TMEM178B: variants seen among roughly 807,000 people sequenced by gnomAD.
The protein encoded by TMEM178B is transmembrane protein 178B.
Under a neutral mutation model 31.0 loss-of-function variants are expected in TMEM178B, and 5 were observed. The ratio of observed to expected loss-of-function variants is 0.16; its 90% CI spans 0.08 to 0.34. The LOEUF (loss-of-function observed/expected upper bound fraction) is 0.34, where lower values mean the gene tolerates loss of function less well. Ranked by LOEUF, TMEM178B falls within the 10% of genes least tolerant of loss-of-function variation. The pLI, the probability that TMEM178B is intolerant of heterozygous loss-of-function variation, is 1.00. For synonymous variants in TMEM178B, 164 were observed against 164.0 expected (o/e 1.00, Z 0.00); for missense variants, 275 against 400.3 (o/e 0.69, Z 2.67).
At chr7:141,189,109 ACAT>A (rs1796656845) in intron 1 of TMEM178B, among the ~76,000 whole-genome samples, 2 of 152,364 alleles carry the variant, frequency 1.3e-5, no homozygotes, top group South Asian at 4.1e-4. Flanking sequence ...TGGTACCTGG[ACAT>A]CATAAGAGGC....
Position 141,344,587 on chromosome 7 carries a change from C to T in TMEM178B, c.497-93021C>T, listed in dbSNP as rs1322004365. Among the ~76,000 whole-genome samples, 2 of 122,880 alleles carry T rather than the reference C, an allele frequency of 1.6e-5. No individual in the cohort carries two copies. The highest frequency in any genetic ancestry group is 3.5e-5 in the Non-Finnish European group (2 of 57,902). The allele number at this position is 122,880 out of a possible 152,430, so 80.6% of individuals were successfully genotyped here. ...TTCCTCCCTCCTCCCTTCCTTCCTT[C>T]CTTCCTTCCTTCCTTCCTTCCTTCC... On this transcript the variant is annotated intron_variant, in intron 2 of 3. Transcript: ENST00000565468. The surrounding 1 kb of genome is among the most constrained non-coding windows in gnomAD (Gnocchi z 4.1).
intron 2 of TMEM178B, among the ~76,000 whole-genome samples, chr7:141,314,152 T>C (rs540794450): frequency 6.6e-6 from 1 of 152,328 alleles, no homozygotes; most frequent in South Asian, 2.1e-4. Context: ...AGGAGATTTC[T>C]TCTCTCATCT....
intron 1 of TMEM178B, among the ~76,000 whole-genome samples, chr7:141,187,631 A>T (rs1329065027): frequency 2.0e-5 from 3 of 152,204 alleles, no homozygotes; most frequent in Non-Finnish European, 2.9e-5. Flanking sequence ...CATGATCGCC[A>T]TTCTAACTGG....
intron 1 of TMEM178B, among the ~76,000 whole-genome samples, chr7:141,199,917 G>T (rs966022033): frequency 5.9e-5 from 9 of 152,198 alleles, no homozygotes; most frequent in African/African-American, 2.2e-4. Flanking sequence ...TGGGCGTAGT[G>T]GCGGGTGCCT....
chr7:141,109,405 T>C (rs10272360), intron 1 of TMEM178B, among the ~76,000 whole-genome samples: 31,416 of 151,834 alleles, frequency 0.21, 3,475 homozygotes, highest in African/African-American at 0.28. Flanking sequence ...GTGGACAGAG[T>C]GTGACACGTG....
chr7:141,432,490 G>A (rs142365656), intron 2 of TMEM178B, among the ~76,000 whole-genome samples: 4 of 152,222 alleles, frequency 2.6e-5, no homozygotes, highest in Non-Finnish European at 5.9e-5. Flanking sequence ...TACTGTGTGC[G>A]TTTTGTTAAG....
chr7:141,483,759 G>A (rs1339228662), downstream of TMEM178B, among the ~76,000 whole-genome samples: 1 of 139,384 alleles, frequency 7.2e-6, no homozygotes, highest in Non-Finnish European at 1.5e-5. Context: ...TTTTTGAGAT[G>A]GAGTCTCACT....
At chr7:141,126,627 A>G (rs913425241) in intron 1 of TMEM178B, among the ~76,000 whole-genome samples, 3 of 152,232 alleles carry the variant, frequency 2.0e-5, no homozygotes, top group Non-Finnish European at 4.4e-5. Flanking sequence ...ATGGGCCATC[A>G]GTGATGCTTT....
chr7:141,088,655 T>C (rs544030456), intron 1 of TMEM178B, among the ~76,000 whole-genome samples: 2 of 152,314 alleles, frequency 1.3e-5, no homozygotes, highest in African/African-American at 4.8e-5. Flanking sequence ...TTTCATCTTT[T>C]TCCTCCAGAC....
At chr7:141,132,105 G>A (rs1186715015) in intron 1 of TMEM178B, among the ~76,000 whole-genome samples, 4 of 152,136 alleles carry the variant, frequency 2.6e-5, no homozygotes, top group Non-Finnish European at 5.9e-5. Flanking sequence ...TTCGTTTTGA[G>A]TGCTGAGGCT....
intron 1 of TMEM178B, among the ~76,000 whole-genome samples, chr7:141,141,612 C>T (rs1405063787): frequency 6.6e-6 from 1 of 152,192 alleles, no homozygotes; most frequent in Non-Finnish European, 1.5e-5. Flanking sequence ...GTTTCACCCA[C>T]AGTGCCTAAT....
chr7:141,186,634 T>C (rs1796613629), intron 1 of TMEM178B, among the ~76,000 whole-genome samples: 1 of 152,250 alleles, frequency 6.6e-6, no homozygotes, highest in Admixed American at 6.5e-5. Flanking sequence ...TGAGAGAGGA[T>C]TTGATCAGCC....
At chr7:141,509,942 A>G in the TMEM178B span, among the ~76,000 whole-genome samples, 3 of 152,200 alleles carry the variant, frequency 2.0e-5, no homozygotes, top group East Asian at 1.9e-4. Flanking sequence ...AAGGCACTCT[A>G]TTATCTAAAG....
chr7:141,488,596 T>G, the TMEM178B span, among the ~76,000 whole-genome samples: 1 of 152,074 alleles, frequency 6.6e-6, no homozygotes, highest in Non-Finnish European at 1.5e-5. Flanking sequence ...CATGCCACCA[T>G]GGCCAGCTAA....
At chr7:141,225,369 CTATT>C (rs1797324753) in intron 2 of TMEM178B, among the ~76,000 whole-genome samples, 1 of 152,144 alleles carries the variant, frequency 6.6e-6, no homozygotes, top group Non-Finnish European at 1.5e-5. Flanking sequence ...TGAAAGAAAG[CTATT>C]TATTTTCCAC....
rs118007169 is a variant in TMEM178B, at chr7:141,173,792, G to A, written c.383-38799G>A. Among the ~76,000 whole-genome samples, 91 of 152,124 alleles carry A rather than the reference G, an allele frequency of 6.0e-4. No homozygotes were observed. In the East Asian group the frequency reaches 6.6e-3, roughly 11 times the overall value. Reference sequence around the variant, plus strand: ...TTAGCCATTGCCATATTAAGTCTCTGGACTCTTCAAAGTAACCCCTTCTCC... The same window carrying A: ...TTAGCCATTGCCATATTAAGTCTCTAGACTCTTCAAAGTAACCCCTTCTCC... On this transcript the variant is annotated intron_variant, in intron 1 of 3. Coordinates refer to ENST00000565468, the MANE Select transcript of TMEM178B (RefSeq NM_001195278.2).
At chr7:141,078,126 G>T (rs1172965906) in intron 1 of TMEM178B, among the ~76,000 whole-genome samples, 1 of 152,034 alleles carries the variant, frequency 6.6e-6, no homozygotes, top group African/African-American at 2.4e-5. Flanking sequence ...TCTCATCCAT[G>T]TCTCCCTAGT....
intron 3 of TMEM178B, among the ~76,000 whole-genome samples, chr7:141,440,081 C>T (rs1489981102): frequency 6.6e-6 from 1 of 152,262 alleles, no homozygotes; most frequent in Non-Finnish European, 1.5e-5. Flanking sequence ...CTATATCCCA[C>T]TTAACTGAGA....
intron 3 of TMEM178B, among the ~76,000 whole-genome samples, chr7:141,444,380 A>T (rs1801715573): frequency 6.6e-6 from 1 of 152,216 alleles, no homozygotes; most frequent in Admixed American, 6.5e-5. Context: ...TGTAACAAAC[A>T]AAATATTTTG....
Sources: allele counts gnomAD v4.1 joint callset (sites outside exome capture counted in the v4.1 genomes callset), GRCh38; gene constraint gnomAD v4.1.1; non-coding constraint Gnocchi (gnomAD v3.1); transcripts MANE v1.5; gene names NCBI Gene and HGNC (gene_info 2026-07-23, HGNC 2026-07-21).